NAA11: variants seen among roughly 807,000 people sequenced by gnomAD.
NAA11 encodes the protein N-alpha-acetyltransferase 11, NatA catalytic subunit, also known as N-alpha-acetyltransferase 11.
NAA11 carries 15 observed loss-of-function variants against 16.1 expected under a neutral mutation model. The observed-to-expected ratio is 0.93, with a 90% confidence interval of 0.62 to 1.44. NAA11 has a LOEUF of 1.44. NAA11 is among the 40% of genes most tolerant of loss of function. The probability of loss-of-function intolerance (pLI) is 0.00; values close to 1 mark genes in which losing one functional copy is unlikely to be tolerated. For missense variants in NAA11, 298 were observed against 291.3 expected (o/e 1.02, Z -0.17); for synonymous variants, 122 against 112.4 (o/e 1.09, Z -0.54).
At chr4:79,281,869 G>A (rs1722799950) in intron 2 of NAA11, among the ~76,000 whole-genome samples, 1 of 152,044 alleles carries the variant, frequency 6.6e-6, no homozygotes, top group Non-Finnish European at 1.5e-5. Context: ...GCTTCTAAAA[G>A]CCTAAAACAA....
intron 1 of NAA11, among the ~76,000 whole-genome samples, chr4:79,301,479 A>G (rs1436326789): frequency 1.3e-5 from 2 of 152,212 alleles, no homozygotes; most frequent in African/African-American, 4.8e-5. Context: ...TTTGATGAAT[A>G]ATATGTCAAT....
Position 79,325,907 on chromosome 4 carries a change from T to G in NAA11, c.-30A>C. 6 of 1,574,246 alleles carry G rather than the reference T, an allele frequency of 3.8e-6. No homozygotes were observed. The highest frequency in any genetic ancestry group is 1.7e-4 in the Middle Eastern group (1 of 5,854). On this transcript the variant is annotated 5_prime_UTR_variant, in exon 1 of 2. Transcript: ENST00000286794. ...GCAGAGGGTAGGGAACCGGTTGGAC[T>G]GCAGTGAACCCAGAAGAGGCTGTCG...
At chr4:79,297,083 C>T (rs971823220) in intron 1 of NAA11, among the ~76,000 whole-genome samples, 12 of 152,176 alleles carry the variant, frequency 7.9e-5, no homozygotes, top group African/African-American at 2.7e-4. Flanking sequence ...CAGGCAGGAC[C>T]TGCTCCCAGG....
chr4:79,206,610 C>T, the NAA11 span, among the ~76,000 whole-genome samples: 748 of 152,176 alleles, frequency 4.9e-3, 6 homozygotes, highest in African/African-American at 0.017. Context: ...TTTTACCTTT[C>T]TCAGCATTCC....
intron 2 of NAA11, among the ~76,000 whole-genome samples, chr4:79,276,590 G>A (rs564071954): frequency 6.6e-6 from 1 of 152,268 alleles, no homozygotes; most frequent in Non-Finnish European, 1.5e-5. Context: ...CAATAAGTCA[G>A]CCCTTGTTCA....
chr4:79,272,459 T>C (rs1722516972), intron 2 of NAA11, among the ~76,000 whole-genome samples: 2 of 152,032 alleles, frequency 1.3e-5, no homozygotes, highest in African/African-American at 4.8e-5. Flanking sequence ...AAATATGTAA[T>C]AGCTTGTTTT....
chr4:79,325,050 C>G, intron 1 of NAA11, 126 bp downstream of exon 1: 1 of 778,866 alleles, frequency 1.3e-6, no homozygotes, highest in South Asian at 1.9e-5. Flanking sequence ...CCTAAGGTCA[C>G]CAGGTGGTTT....
intron 2 of NAA11, among the ~76,000 whole-genome samples, chr4:79,240,314 T>G: frequency 6.6e-6 from 1 of 152,190 alleles, no homozygotes; most frequent in Non-Finnish European, 1.5e-5. Flanking sequence ...AAAGATGGAA[T>G]GGCTTACTAA....
the NAA11 span, among the ~76,000 whole-genome samples, chr4:79,197,174 A>C: frequency 6.6e-6 from 1 of 151,938 alleles, no homozygotes; most frequent in East Asian, 1.9e-4. Flanking sequence ...GCATGTACTT[A>C]AGTCCAAACA....
chr4:79,241,681 A>T (rs1721698846), intron 2 of NAA11, among the ~76,000 whole-genome samples: 1 of 152,230 alleles, frequency 6.6e-6, no homozygotes, highest in South Asian at 2.1e-4. Flanking sequence ...CTAGTATAGT[A>T]GGCAGTAGAT....
At chr4:79,221,586 G>T (rs1275162630), downstream of NAA11, among the ~76,000 whole-genome samples, 196 of 124,024 alleles carry the variant, frequency 1.6e-3, no homozygotes, top group African/African-American at 5.3e-3. Flanking sequence ...TAGCATGAAG[G>T]GTTGTTGAAT....
chr4:79,178,153 A>G, the NAA11 span, among the ~76,000 whole-genome samples: 1 of 152,190 alleles, frequency 6.6e-6, no homozygotes, highest in Non-Finnish European at 1.5e-5. Flanking sequence ...GCCATGGCCC[A>G]GAAATTTGAC....
At chr4:79,216,820 G>A in the NAA11 span, among the ~76,000 whole-genome samples, 1 of 152,048 alleles carries the variant, frequency 6.6e-6, no homozygotes, top group African/African-American at 2.4e-5. Context: ...TTGAGTATAT[G>A]CCCAAGCCAG....
At chr4:79,229,240 T>C (rs1721401243) in intron 2 of NAA11, among the ~76,000 whole-genome samples, 1 of 151,984 alleles carries the variant, frequency 6.6e-6, no homozygotes, top group South Asian at 2.1e-4. Flanking sequence ...TTTTTTTATA[T>C]AGCAGGAGAT....
At chr4:79,157,077 A>G in the NAA11 span, among the ~76,000 whole-genome samples, 2 of 152,142 alleles carry the variant, frequency 1.3e-5, no homozygotes, top group Non-Finnish European at 2.9e-5. Flanking sequence ...CATACCATAA[A>G]CATCACCATT....
intron 2 of NAA11, among the ~76,000 whole-genome samples, chr4:79,228,591 TTTCA>T (rs71216259): frequency 0.71 from 107,743 of 151,380 alleles, 40,502 homozygotes; most frequent in East Asian, 0.89. Context: ...GTCTGGATTG[TTTCA>T]TTCAGGGTAA....
the NAA11 span, among the ~76,000 whole-genome samples, chr4:79,189,182 G>A: frequency 1.7e-5 from 2 of 114,360 alleles, no homozygotes; most frequent in African/African-American, 5.8e-5. Context: ...AGGAGGCAGA[G>A]ATATTTCAAA....
chr4:79,274,010 T>C (rs1722561980), intron 2 of NAA11, among the ~76,000 whole-genome samples: 1 of 152,034 alleles, frequency 6.6e-6, no homozygotes, highest in South Asian at 2.1e-4. Flanking sequence ...ATGCTGTCAG[T>C]TGATGAACAG....
At chr4:79,167,533 G>A in the NAA11 span, among the ~76,000 whole-genome samples, 10 of 151,902 alleles carry the variant, frequency 6.6e-5, no homozygotes, top group Non-Finnish European at 1.3e-4. Context: ...TGAAGTGCTC[G>A]ATCAGTACCC....
Sources: gnomAD v4.1 joint callset for allele counts (sites outside exome capture counted in the v4.1 genomes callset) on GRCh38, gnomAD v4.1.1 for gene constraint, MANE v1.5 for transcripts, NCBI Gene and HGNC (gene_info 2026-07-23, HGNC 2026-07-21) for gene names.